AIG1: variants seen among roughly 807,000 people sequenced by gnomAD.
AIG1 encodes androgen induced 1.
Under a neutral mutation model 31.4 loss-of-function variants are expected in AIG1, and 23 were observed. That is an observed-to-expected ratio of 0.73 (90% confidence interval 0.53 to 1.04). AIG1 has a LOEUF of 1.04. Ranked by LOEUF, AIG1 falls within the 50% of genes least tolerant of loss-of-function variation. The probability of loss-of-function intolerance (pLI) is 0.00; values close to 1 mark genes in which losing one functional copy is unlikely to be tolerated. For missense variants in AIG1, 274 were observed against 295.0 expected (o/e 0.93, Z 0.52); for synonymous variants, 100 against 110.5 (o/e 0.90, Z 0.60).
chr6:143,277,093 G>A (rs1202428800), intron 3 of AIG1, among the ~76,000 whole-genome samples: 2 of 152,142 alleles, frequency 1.3e-5, no homozygotes, highest in Non-Finnish European at 2.9e-5. Context: ...TTTTTCTCAT[G>A]TCCCCTTTCT....
At chr6:143,179,443 C>A (rs1246046961) in intron 3 of AIG1, among the ~76,000 whole-genome samples, 1 of 152,136 alleles carries the variant, frequency 6.6e-6, no homozygotes, top group East Asian at 1.9e-4. Flanking sequence ...TTAAGTGTAT[C>A]ACGACACCAT....
chr6:143,170,760 ATTAACT>A (rs1027170758), intron 3 of AIG1, among the ~76,000 whole-genome samples: 6 of 151,658 alleles, frequency 4.0e-5, no homozygotes, highest in African/African-American at 1.5e-4. Context: ...TTAGTACTTC[ATTAACT>A]TTAATTGTAA....
At chr6:143,195,997 T>G (rs988626085) in intron 3 of AIG1, among the ~76,000 whole-genome samples, 1 of 152,178 alleles carries the variant, frequency 6.6e-6, no homozygotes, top group Non-Finnish European at 1.5e-5. Flanking sequence ...GGACAGATGA[T>G]TTTCCCCTCT....
rs1336123822 is a variant in AIG1, at chr6:143,068,629, T to G, written c.141+7563T>G. On this transcript the variant is annotated intron_variant, in intron 1 of 5. Coordinates refer to ENST00000357847, the MANE Select transcript of AIG1 (RefSeq NM_016108.4). ...AATTTCAAAAGCGATACATACTTAT[T>G]ATAGAAAATTTGTGCAAATACAGGA... 2.0e-5 allele frequency among the ~76,000 whole-genome samples: 3 copies of G among 152,362 alleles called. No individual in the cohort carries two copies. The East Asian group carries it at 5.8e-4, about 29-fold the overall frequency.
chr6:143,213,508 C>CTTTT (rs746350692), intron 3 of AIG1, among the ~76,000 whole-genome samples: 25 of 61,198 alleles, frequency 4.1e-4, no homozygotes, highest in Non-Finnish European at 5.6e-4. Flanking sequence ...TTTCTTTCTT[C>CTTTT]TTTTTTTTTT....
In AIG1 at chr6:143,333,873, A is replaced by G. The variant is rs775171776; in HGVS notation, c.679+428A>G. On this transcript the variant is annotated intron_variant, in intron 5 of 5. Transcript: ENST00000357847. This position sits in a 1 kb window ranked among gnomAD's most constrained non-coding sequence, Gnocchi z 4.6. Reference sequence around the variant, plus strand: ...AGATCTCCACTTTCTATGTGGGTGCAGTCACCTGGGAGAGGTCTTACTACC... The same window carrying G: ...AGATCTCCACTTTCTATGTGGGTGCGGTCACCTGGGAGAGGTCTTACTACC... Among the ~76,000 whole-genome samples the G allele has an allele frequency of 2.0e-5, 3 of 152,194 alleles. No homozygotes were observed. Among genetic ancestry groups the G allele is most frequent in the Non-Finnish European group, 4.4e-5 (3 of 68,034 alleles).
chr6:143,218,162 G>A (rs11758699), intron 3 of AIG1, among the ~76,000 whole-genome samples: 38,875 of 152,110 alleles, frequency 0.26, 5,231 homozygotes, highest in Admixed American at 0.38. Context: ...TGTTAATATT[G>A]TCCTCACTTG....
intron 2 of AIG1, among the ~76,000 whole-genome samples, chr6:143,140,575 G>A (rs983944371): frequency 2.6e-5 from 4 of 152,144 alleles, no homozygotes; most frequent in Admixed American, 2.6e-4. Flanking sequence ...CTGGAGCAAT[G>A]CCACAAGGAA....
At chr6:143,316,199 A>G (rs947754970) in intron 4 of AIG1, among the ~76,000 whole-genome samples, 30 of 152,076 alleles carry the variant, frequency 2.0e-4, no homozygotes, top group African/African-American at 6.0e-4. Flanking sequence ...CAGCACACCA[A>G]TGGTGCAAAA....
chr6:143,104,830 G>A (rs1780648193), intron 1 of AIG1, among the ~76,000 whole-genome samples: 1 of 151,954 alleles, frequency 6.6e-6, no homozygotes, highest in Non-Finnish European at 1.5e-5. Context: ...CTTGAGCCTA[G>A]GAGTTCAAGA....
At chr6:143,187,868 G>A (rs566771466) in intron 3 of AIG1, 88 of 1,404,340 alleles carry the variant, frequency 6.3e-5, no homozygotes, top group Admixed American at 2.4e-4. Context: ...AAGGGTATCC[G>A]CAGCATTGTC....
chr6:143,139,685 C>A (rs527932373), intron 2 of AIG1, among the ~76,000 whole-genome samples: 107 of 152,088 alleles, frequency 7.0e-4, no homozygotes, highest in Non-Finnish European at 1.3e-3. Flanking sequence ...CTTTTCCCCC[C>A]TCCTTTCTCT....
rs911516719 is a variant in AIG1, at chr6:143,329,297, A to G, written c.516-3985A>G. ...CTTCTTTCCCAGCTTTGCCAGTTTT[A>G]TGATAAGTTCTTTAGTCTGATCTCA... is the stretch of plus-strand genomic sequence containing the variant. On this transcript the variant is annotated intron_variant, in intron 4 of 5. Coordinates refer to ENST00000357847, the MANE Select transcript of AIG1 (RefSeq NM_016108.4). The surrounding 1 kb of genome is among the most constrained non-coding windows in gnomAD (Gnocchi z 4.9). Among the ~76,000 whole-genome samples, 3 of 152,228 alleles carry G rather than the reference A, an allele frequency of 2.0e-5. No homozygotes were observed. Among genetic ancestry groups the G allele is most frequent in the African/African-American group, 7.2e-5 (3 of 41,458 alleles).
intron 4 of AIG1, among the ~76,000 whole-genome samples, chr6:143,307,612 G>T (rs533474286): frequency 1.1e-4 from 17 of 152,252 alleles, no homozygotes; most frequent in African/African-American, 2.6e-4. Flanking sequence ...TGCCCCTACT[G>T]GGGGGTGCCT....
chr6:143,220,343 A>C (rs767722443), intron 3 of AIG1, among the ~76,000 whole-genome samples: 17 of 152,192 alleles, frequency 1.1e-4, no homozygotes, highest in Admixed American at 2.6e-4. Context: ...ACACGCACTG[A>C]AATGTGAACC....
At chr6:143,300,082 G>T (rs1327723836) in intron 4 of AIG1, among the ~76,000 whole-genome samples, 2 of 152,138 alleles carry the variant, frequency 1.3e-5, no homozygotes, top group Non-Finnish European at 2.9e-5. Context: ...CCTAAGAGGG[G>T]CTCAATAAAT....
At chr6:143,324,064 G>C (rs1432191321) in intron 4 of AIG1, among the ~76,000 whole-genome samples, 1 of 152,154 alleles carries the variant, frequency 6.6e-6, no homozygotes, top group African/African-American at 2.4e-5. Flanking sequence ...GAAACCTACT[G>C]GGTGAGAAGC....
downstream of AIG1, chr6:143,342,746 C>A (rs1005947548): frequency 2.3e-6 from 2 of 852,096 alleles, no homozygotes; most frequent in African/African-American, 1.7e-5. Context: ...TGATGGCCAG[C>A]GGACTCAGGT....
intron 1 of AIG1, among the ~76,000 whole-genome samples, chr6:143,096,899 T>C (rs897904807): frequency 2.6e-5 from 4 of 152,242 alleles, no homozygotes; most frequent in African/African-American, 9.6e-5. Flanking sequence ...TACATTTTTA[T>C]TGAAAGTCAA....
Sources: gnomAD v4.1 joint callset for allele counts (sites outside exome capture counted in the v4.1 genomes callset) on GRCh38, gnomAD v4.1.1 for gene constraint, Gnocchi (gnomAD v3.1) non-coding constraint, MANE v1.5 for transcripts, NCBI Gene and HGNC (gene_info 2026-07-23, HGNC 2026-07-21) for gene names.